Variants in LY75 observed in about 807,000 individuals in gnomAD.
LY75 encodes lymphocyte antigen 75.
A neutral mutation model predicts 231.7 loss-of-function variants in LY75; 185 were observed. The ratio of observed to expected loss-of-function variants is 0.80; its 90% CI spans 0.71 to 0.90. The LOEUF is 0.90. Among genes scored for constraint, LY75 ranks in the 40% least tolerant of loss-of-function variants. The pLI is 0.00. For synonymous variants in LY75, 668 were observed against 689.0 expected (o/e 0.97, Z 0.48); for missense variants, 1,947 against 2,050.2 (o/e 0.95, Z 0.97).
intron 16 of LY75, among the ~76,000 whole-genome samples, chr2:159,856,279 A>C (rs767317740): frequency 7.9e-5 from 12 of 152,206 alleles, no homozygotes; most frequent in Non-Finnish European, 1.6e-4. Context: ...TTTTTGACAC[A>C]GTTTTCTCAA....
intron 25 of LY75, among the ~76,000 whole-genome samples, chr2:159,836,849 G>T (rs2125844485): frequency 6.6e-6 from 1 of 152,216 alleles, no homozygotes; most frequent in African/African-American, 2.4e-5. Context: ...CTTCCCCTTT[G>T]CTGCACTCCC....
In LY75 at chr2:159,858,466, C is replaced by T; in HGVS notation, c.2279G>A (p.Arg760Lys). Residue 760 changes from arginine (R) to lysine (K), a missense_variant, in exon 16 of 35, where the codon AGG becomes AAG. Coordinates refer to ENST00000263636, the MANE Select transcript of LY75 (RefSeq NM_002349.4). ...RDCAAVKVFH[R>K]PWRRGWHFYD... The stretch of plus-strand genomic sequence containing the variant: ...GAAATGCCAGCCTCTTCGCCATGGC[C>T]TATGAAATACCTATAAGAGGAAAAG... 2 of 1,611,208 alleles carry T rather than the reference C, an allele frequency of 1.2e-6. No individual in the cohort carries two copies. The highest frequency in any genetic ancestry group is 1.3e-5 in the African/African-American group (1 of 74,878).
chr2:159,840,850 C>T lies in LY75; in HGVS notation c.3386G>A (p.Arg1129Lys). 6.2e-7 allele frequency: 1 copy of T among 1,614,076 alleles called. No individual in the cohort carries two copies. The highest frequency in any genetic ancestry group is 8.5e-7 in the Non-Finnish European group (1 of 1,179,976). The stretch of plus-strand genomic sequence containing the variant: ...CTGCATGTTACTTTTCAGACACTCC[C>T]TTTTAGCACTGTGCCAAGTCAGAGT... ...PKTLTWHSAK[R>K]ECLKSNMQLV... Residue 1129 changes from arginine to lysine, a missense_variant, in exon 25 of 35, where the codon AGG (arginine) becomes AAG (lysine). By Grantham distance (26) the Arg-to-Lys change is conservative (BLOSUM62 2). Transcript: ENST00000263636.
chr2:159,895,144 C>T (rs940917749), intron 2 of LY75, among the ~76,000 whole-genome samples: 20 of 152,202 alleles, frequency 1.3e-4, no homozygotes, highest in Middle Eastern at 3.4e-3. Context: ...CTCCAGTGTC[C>T]GTCTAACTAA....
chr2:159,874,974 A>C (rs1213786141), intron 12 of LY75, among the ~76,000 whole-genome samples: 1 of 138,772 alleles, frequency 7.2e-6, no homozygotes, highest in East Asian at 2.0e-4. Context: ...TATAATATAT[A>C]TATTGTAAAT....
chr2:159,899,161 A>C (rs1685996962), intron 1 of LY75, 102 bp from the exon 2 acceptor site: 1 of 1,514,724 alleles, frequency 6.6e-7, no homozygotes, highest in African/African-American at 1.4e-5. Context: ...TCCCATCCTC[A>C]GTCTGTTCCC....
At chr2:159,844,911 C>A (rs201117102) in intron 23 of LY75, among the ~76,000 whole-genome samples, 1 of 151,740 alleles carries the variant, frequency 6.6e-6, no homozygotes, top group East Asian at 1.9e-4. Context: ...AGTTTTTCAA[C>A]CCAGGTCCCC....
intron 23 of LY75, among the ~76,000 whole-genome samples, chr2:159,842,659 T>C (rs961439537): frequency 2.6e-5 from 4 of 152,172 alleles, no homozygotes; most frequent in Non-Finnish European, 5.9e-5. Context: ...AACACTCGAC[T>C]ACAGTATAAG....
chr2:159,878,262 G>A, intron 11 of LY75, 62 bp downstream of exon 11: 1 of 1,554,272 alleles, frequency 6.4e-7, no homozygotes, highest in East Asian at 2.3e-5. Context: ...GAACATCTTT[G>A]GGAGGAGTGC....
intron 15 of LY75, among the ~76,000 whole-genome samples, chr2:159,860,131 A>G (rs1459393559): frequency 6.6e-6 from 1 of 152,204 alleles, no homozygotes; most frequent in Non-Finnish European, 1.5e-5. Flanking sequence ...TGAAATGGAT[A>G]CATGAATGCA....
chr2:159,828,176 A>G (rs1225081358), intron 28 of LY75, among the ~76,000 whole-genome samples: 10 of 151,368 alleles, frequency 6.6e-5, no homozygotes, highest in Non-Finnish European at 1.2e-4. Flanking sequence ...ATATTTGGAA[A>G]TTATTTATAT....
intron 2 of LY75, 120 bp downstream of exon 2, chr2:159,898,568 G>A (rs1156368883): frequency 2.7e-6 from 4 of 1,464,044 alleles, no homozygotes; most frequent in Admixed American, 2.3e-5. Flanking sequence ...GCCTGGAAGT[G>A]AAGAGCTTAC....
chr2:159,848,093 T>TATACACACACACACACACAC lies in LY75; in HGVS notation c.3150+1886_3150+1887insGTGTGTGTGTGTGTGTGTAT. ...GTATATATATATATATATATATATA[T>TATACACACACACACACACAC]ACACACACACATACACACACCATAT... On this transcript the variant is annotated intron_variant, in intron 23 of 34. Transcript: ENST00000263636. 2.7e-3 allele frequency among the ~76,000 whole-genome samples: 78 copies of TATACACACACACACACACAC among 28,534 alleles called. 1 individual carries two copies. The highest frequency in any genetic ancestry group is 0.014 in the Middle Eastern group (1 of 72). 18.7% of individuals were successfully genotyped at this position (28,534 alleles called of 152,430 possible).
At position 159,899,017 on chromosome 2, in the gene LY75, C is replaced by T; in HGVS notation, c.137G>A (p.Cys46Tyr). ...TATCCAGCCATACACTGGCTTGATG[C>T]ACTTGCCCGTATTTCCATGGACGAT... ...FTIVHGNTGKCIKPVYGWIVA... is the reference protein window; with the variant it reads ...FTIVHGNTGKYIKPVYGWIVA... The change falls in exon 2 of 35, where the codon TGC (cysteine) becomes TAC (tyrosine). Residue 46 changes from cysteine (C) to tyrosine (Y), a missense_variant. Cys to Tyr is a radical substitution (Grantham distance 194). Transcript: ENST00000263636. 1 of 1,614,012 alleles carries T rather than the reference C, an allele frequency of 6.2e-7. No homozygotes were observed. Among genetic ancestry groups the T allele is most frequent in the Non-Finnish European group, 8.5e-7 (1 of 1,179,888 alleles).
chr2:159,834,358 T>C (rs947118042), intron 26 of LY75, 147 bp from the exon 27 acceptor site: 13 of 1,048,850 alleles, frequency 1.2e-5, no homozygotes, highest in Non-Finnish European at 2.7e-6. Flanking sequence ...TACTCAGATA[T>C]AGCACACAAA....
At position 159,890,290 on chromosome 2, in the gene LY75, T is replaced by C; in HGVS notation, c.725A>G (p.Glu242Gly). ...TTGATTCTGACATGAAACATAAGCT[T>C]CTTTCCAAGAAAGAGCCGTCTGAGT... ...FNTQTALSWKEAYVSCQNQGA... is the reference protein window; with the variant it reads ...FNTQTALSWKGAYVSCQNQGA... The change falls in exon 4 of 35, where the codon GAA becomes GGA. Residue 242 changes from glutamate to glycine, a missense_variant. By Grantham distance (98) the Glu-to-Gly change is moderately conservative. Coordinates refer to ENST00000263636, the MANE Select transcript of LY75 (RefSeq NM_002349.4). The C allele has an allele frequency of 6.2e-7, 1 of 1,613,576 alleles. No individual in the cohort carries two copies. Among genetic ancestry groups the C allele is most frequent in the Non-Finnish European group, 8.5e-7 (1 of 1,179,716 alleles).
chr2:159,860,980 G>A, intron 14 of LY75, 91 bp from the exon 15 acceptor site: 1 of 1,357,450 alleles, frequency 7.4e-7, no homozygotes, highest in Non-Finnish European at 1.0e-6. Context: ...TCACTCAAGT[G>A]CGTTGATATG....
intron 1 of LY75, among the ~76,000 whole-genome samples, chr2:159,901,717 T>C (rs1356171190): frequency 6.6e-6 from 1 of 152,252 alleles, no homozygotes; most frequent in African/African-American, 2.4e-5. Context: ...AACAAACTGC[T>C]ACATCTCTGA....
chr2:159,825,445 C>G (rs1327783997), intron 28 of LY75, among the ~76,000 whole-genome samples: 1 of 152,176 alleles, frequency 6.6e-6, no homozygotes, highest in Admixed American at 6.5e-5. Flanking sequence ...ATAACAAGTT[C>G]TGAAATTTAG....
Sources: gnomAD v4.1 joint callset for allele counts (sites outside exome capture counted in the v4.1 genomes callset) on GRCh38, gnomAD v4.1.1 for gene constraint, MANE v1.5 for transcripts, NCBI Gene and HGNC (gene_info 2026-07-23, HGNC 2026-07-21) for gene names.